Variants in ENDOU observed in about 807,000 individuals in gnomAD.
ENDOU encodes uridylate-specific endoribonuclease.
ENDOU carries 49 observed loss-of-function variants against 54.2 expected under a neutral mutation model. That is an observed-to-expected ratio of 0.90 (90% confidence interval 0.72 to 1.15). The LOEUF (loss-of-function observed/expected upper bound fraction) is 1.15. ENDOU is among the 50% of genes most tolerant of loss of function. The pLI, the probability that ENDOU is intolerant of heterozygous loss-of-function variation, is 0.00. For missense variants in ENDOU, 458 were observed against 511.4 expected, an observed-to-expected ratio of 0.90 and a Z score of 1.01; for synonymous variants, 172 against 190.5, an observed-to-expected ratio of 0.90 and a Z score of 0.80.
At chr12:47,722,963 A>G (rs1940480648) in intron 1 of ENDOU, among the ~76,000 whole-genome samples, 1 of 152,170 alleles carries the variant, frequency 6.6e-6, no homozygotes, top group Non-Finnish European at 1.5e-5. Context: ...TTAAGGAGAA[A>G]TTTTCAGCCC....
At chr12:47,711,392 G>A (rs1939994286) in intron 9 of ENDOU, among the ~76,000 whole-genome samples, 1 of 152,196 alleles carries the variant, frequency 6.6e-6, no homozygotes, top group Admixed American at 6.5e-5. Context: ...TTAAGGTCCT[G>A]CGTAAGATTT....
At chr12:47,712,959 G>T (rs1940083520) in intron 7 of ENDOU, among the ~76,000 whole-genome samples, 1 of 152,146 alleles carries the variant, frequency 6.6e-6, no homozygotes, top group Admixed American at 6.5e-5. Context: ...AGCTGGCCAG[G>T]CCCTGGAAGC....
rs137896461 is a variant in ENDOU at position 47,716,898 on chromosome 12, G to A, written c.543C>T (p.Cys181=). ...GAATTGTGGGAACTCACGGCTTTGGGCAGCGATCCACTTGGTTTCTGGTCT... is the reference window on the plus strand; with the variant it reads ...GAATTGTGGGAACTCACGGCTTTGGACAGCGATCCACTTGGTTTCTGGTCT... ...PSETRNQVDR[C]PKPLFTYVNE... The change falls in exon 5 of 10, where the codon TGC becomes TGT. Residue 181 remains cysteine (C), a synonymous_variant. Transcript: ENST00000422538. The A allele has an allele frequency of 6.0e-4, 961 of 1,614,078 alleles. 1 individual carries two copies. In the Middle Eastern group the frequency reaches 6.8e-3, roughly 11 times the overall value.
chr12:47,722,741 A>T (rs894418202), intron 1 of ENDOU, among the ~76,000 whole-genome samples: 6 of 152,264 alleles, frequency 3.9e-5, no homozygotes, highest in African/African-American at 1.2e-4. Context: ...CTTCATCACT[A>T]CAGGTCTGTA....
chr12:47,717,734 C>G, intron 3 of ENDOU, 79 bp from the exon 4 acceptor site: 3 of 1,475,792 alleles, frequency 2.0e-6, no homozygotes, highest in Non-Finnish European at 2.8e-6. Flanking sequence ...CGCTCCCTAG[C>G]CTGGCTGTCT....
At chr12:47,721,634 T>C (rs1445057599) in intron 1 of ENDOU, among the ~76,000 whole-genome samples, 1 of 152,198 alleles carries the variant, frequency 6.6e-6, no homozygotes, top group African/African-American at 2.4e-5. Context: ...CGGGTGAGAA[T>C]TGGGCTCTGG....
chr12:47,717,357 T>A, intron 4 of ENDOU, 161 bp downstream of exon 4: 1 of 809,418 alleles, frequency 1.2e-6, no homozygotes, highest in Non-Finnish European at 2.0e-6. Context: ...GTCCCATCCC[T>A]AGAGTTTCTA....
At chr12:47,712,438 G>T in intron 8 of ENDOU, 78 bp downstream of exon 8, 4 of 1,115,134 alleles carry the variant, frequency 3.6e-6, no homozygotes, top group Non-Finnish European at 4.0e-6. Context: ...AGGCTGAGAG[G>T]CAAGTCGACA....
chr12:47,715,794 G>A (rs1180778814), intron 6 of ENDOU, among the ~76,000 whole-genome samples: 4 of 152,186 alleles, frequency 2.6e-5, no homozygotes, highest in African/African-American at 4.8e-5. Context: ...TTCCCGATAG[G>A]ACTTCCCGCT....
In ENDOU at chr12:47,718,131, C is replaced by A. The variant is rs369895555; in HGVS notation, c.242G>T (p.Ser81Ile). 5.1e-6 allele frequency: 8 copies of A among 1,570,732 alleles called. No individual in the cohort carries two copies. Among genetic ancestry groups the A allele is most frequent in the Non-Finnish European group, 6.9e-6 (8 of 1,156,216 alleles). ...CCCCTTTGGGGAGGCAGGCTCACTG[C>A]TGGCGAGGGCCTCTTCTGTCTCTTC... The part of the protein sequence containing the change: ...LEEETEEALA[S>I]NLYSAPTSCQ... Residue 81 changes from serine (S) to isoleucine (I), a missense_variant and splice_region_variant, in exon 3 of 10, where the codon AGC becomes ATC. Ser to Ile is a moderately radical substitution (Grantham distance 142, BLOSUM62 -2). Transcript: ENST00000422538.
At chr12:47,724,427 A>G (rs1404212310) in intron 1 of ENDOU, among the ~76,000 whole-genome samples, 3 of 152,240 alleles carry the variant, frequency 2.0e-5, no homozygotes, top group African/African-American at 7.2e-5. Flanking sequence ...AATGACCCCA[A>G]GCGGAAGTTT....
At chr12:47,711,007 A>T in intron 9 of ENDOU, 88 bp from the exon 10 acceptor site, 1 of 814,598 alleles carries the variant, frequency 1.2e-6, no homozygotes. Context: ...ACTGAAGCAG[A>T]AGGGCTCCAT....
rs200602311 is a variant in ENDOU, at chr12:47,710,742, G to A, written c.*60C>T. On this transcript the variant is annotated 3_prime_UTR_variant, in exon 10 of 10. Coordinates refer to ENST00000422538, the MANE Select transcript of ENDOU (RefSeq NM_001172439.2). ...TCCTCTCCCTCTTCTCTCTAGTCCA[G>A]AGAAGATAGCACTTCAGTCTCGCAA... 3 of 1,140,690 alleles carry A rather than the reference G, an allele frequency of 2.6e-6. No homozygotes were observed. In the South Asian group the frequency reaches 3.7e-5, roughly 14 times the overall value. The allele number at this position is 1,140,690 out of a possible 1,614,324, so 70.7% of individuals were successfully genotyped here. A position where few individuals can be genotyped will look rare whatever the true frequency, so the allele number is the denominator to read the frequency against.
chr12:47,719,274 T>C (rs1465462514), intron 2 of ENDOU: 1 of 152,008 alleles, frequency 6.6e-6, no homozygotes, highest in Admixed American at 6.6e-5. Context: ...TTCTGAATGG[T>C]AAGAAAAAGT....
chr12:47,717,591 T>C lies in ENDOU; in HGVS notation c.309A>G (p.Gln103=), dbSNP rs1239564311. The change falls in exon 4 of 10, where the codon CAA becomes CAG. Residue 103 remains glutamine (Q), a synonymous_variant. Coordinates refer to ENST00000422538, the MANE Select transcript of ENDOU (RefSeq NM_001172439.2). The stretch of plus-strand genomic sequence containing the variant: ...CTTGGCAGCGGGCATTGCAGTGACA[T>C]TGGTGGTGCTTGTCAAAGGCTTCGT... ...RCYEAFDKHH[Q]CHCNARCQEF... The C allele has an allele frequency of 1.9e-6, 3 of 1,613,958 alleles. No individual in the cohort carries two copies. Among genetic ancestry groups the C allele is most frequent in the Admixed American group, 1.7e-5 (1 of 59,994 alleles).
intron 9 of ENDOU, among the ~76,000 whole-genome samples, chr12:47,711,155 C>T (rs1393255893): frequency 1.3e-5 from 2 of 152,228 alleles, no homozygotes; most frequent in Non-Finnish European, 2.9e-5. Flanking sequence ...CTCATCTTTC[C>T]CAGAGCAATA....
intron 1 of ENDOU, among the ~76,000 whole-genome samples, chr12:47,722,226 G>A (rs1473578473): frequency 6.6e-6 from 1 of 152,096 alleles, no homozygotes; most frequent in Admixed American, 6.6e-5. Context: ...GGTTGGGTTT[G>A]GTTACCAGTC....
At chr12:47,718,031 G>T in intron 3 of ENDOU, 98 bp downstream of exon 3, 1 of 1,070,392 alleles carries the variant, frequency 9.3e-7, no homozygotes, top group Non-Finnish European at 1.4e-6. Context: ...TCTGGCTGAG[G>T]CCTGGGCCTG....
intron 1 of ENDOU, among the ~76,000 whole-genome samples, chr12:47,724,541 A>G (rs1940528636): frequency 6.6e-6 from 1 of 151,974 alleles, no homozygotes; most frequent in African/African-American, 2.4e-5. Flanking sequence ...AATCCTTTCC[A>G]CAGTCCTACA....
Sources: gnomAD v4.1 joint callset for allele counts (sites outside exome capture counted in the v4.1 genomes callset) on GRCh38, gnomAD v4.1.1 for gene constraint, MANE v1.5 for transcripts, NCBI Gene and HGNC (gene_info 2026-07-23, HGNC 2026-07-21) for gene names.